KLHL29: variants seen among roughly 807,000 people sequenced by gnomAD.
KLHL29 encodes the protein kelch-like protein 29.
KLHL29 carries 21 observed loss-of-function variants against 80.4 expected under a neutral mutation model. That is an observed-to-expected ratio of 0.26 (90% CI 0.19 to 0.38). The LOEUF is 0.38. Ranked by LOEUF, KLHL29 falls within the 10% of genes least tolerant of loss-of-function variation. The pLI, the probability that KLHL29 is intolerant of heterozygous loss-of-function variation, is 1.00. For missense variants in KLHL29, 867 were observed against 1,223.9 expected, an observed-to-expected ratio of 0.71 and a Z score of 4.35; for synonymous variants, 511 against 526.8, an observed-to-expected ratio of 0.97 and a Z score of 0.41.
intron 1 of KLHL29, among the ~76,000 whole-genome samples, chr2:23,470,623 G>A (rs1664471459): frequency 1.3e-5 from 2 of 152,210 alleles, no homozygotes; most frequent in South Asian, 4.1e-4. Flanking sequence ...GGTCAGCCTG[G>A]CTTCTGCAGA....
intron 2 of KLHL29, chr2:23,532,499 C>A (rs1666523757): frequency 2.2e-6 from 1 of 448,946 alleles, no homozygotes; most frequent in Non-Finnish European, 4.5e-6. Context: ...GCTAGTGGAG[C>A]TTTGTGGGAT....
intron 1 of KLHL29, among the ~76,000 whole-genome samples, chr2:23,475,133 T>C (rs532782092): frequency 1.3e-5 from 2 of 152,368 alleles, no homozygotes; most frequent in South Asian, 2.1e-4. Flanking sequence ...TTTTCAGTAT[T>C]AGATTAAAGA....
rs1218796683 is a variant in KLHL29, at chr2:23,693,489, C to G, written c.1503C>G (p.Val501=). 1 of 1,551,574 alleles carries G rather than the reference C, an allele frequency of 6.4e-7. No individual in the cohort carries two copies. Among genetic ancestry groups the G allele is most frequent in the Admixed American group, 2.0e-5 (1 of 51,004 alleles). ...TKAEELVYET[V]IKWIKKDPAT... ...CTGAGGAGCTGGTGTACGAGACAGT[C>G]ATCAAGTGGATCAAGAAGGACCCCG... The change falls in exon 8 of 14, where the codon GTC becomes GTG. Residue 501 remains valine, a synonymous_variant. Transcript: ENST00000486442.
chr2:23,708,139 T>G lies in KLHL29; in HGVS notation c.*1475T>G, dbSNP rs1372150542. On this transcript the variant is annotated 3_prime_UTR_variant, in exon 14 of 14. Coordinates refer to ENST00000486442, the MANE Select transcript of KLHL29 (RefSeq NM_052920.2). Reference sequence around the variant, plus strand: ...AGGACACGCTTTCCATCGTTCAGTATTTGATGACACAAAATTCCAGTTCTA... The same window carrying G: ...AGGACACGCTTTCCATCGTTCAGTAGTTGATGACACAAAATTCCAGTTCTA... 6.6e-6 allele frequency: 1 copy of G among 152,264 alleles called. No homozygotes were observed. Among genetic ancestry groups the G allele is most frequent in the Non-Finnish European group, 1.5e-5 (1 of 68,048 alleles). The allele number at this position is 152,264 out of a possible 1,614,324, so 9.4% of individuals were successfully genotyped here.
chr2:23,463,088 G>GT (rs56138371), intron 1 of KLHL29, among the ~76,000 whole-genome samples: 5,862 of 142,606 alleles, frequency 0.041, 129 homozygotes, highest in Middle Eastern at 0.087. Context: ...TTTCAGTGTA[G>GT]TTTTTTTTTT....
At chr2:23,570,563 T>G (rs933811822) in intron 3 of KLHL29, among the ~76,000 whole-genome samples, 6 of 152,344 alleles carry the variant, frequency 3.9e-5, no homozygotes, top group African/African-American at 1.4e-4. Flanking sequence ...CAGTTTCCCC[T>G]TGGCCCCCCG....
intron 5 of KLHL29, among the ~76,000 whole-genome samples, chr2:23,678,344 G>T (rs978038588): frequency 6.6e-6 from 1 of 152,138 alleles, no homozygotes; most frequent in African/African-American, 2.4e-5. Context: ...GGGGATATCT[G>T]GTCCATAACT....
intron 3 of KLHL29, among the ~76,000 whole-genome samples, chr2:23,630,651 ATT>A: frequency 6.6e-6 from 1 of 151,556 alleles, no homozygotes; most frequent in South Asian, 2.1e-4. Flanking sequence ...CACCCAGCTG[ATT>A]TTTTTTGTAT....
intron 5 of KLHL29, chr2:23,667,209 T>C (rs55924498): frequency 0.051 from 7,733 of 152,334 alleles, 263 homozygotes; most frequent in Middle Eastern, 0.075. Context: ...TAAACATATG[T>C]ATGGAAGTGT....
At chr2:23,420,151 C>G (rs1662751437) in intron 1 of KLHL29, among the ~76,000 whole-genome samples, 1 of 152,194 alleles carries the variant, frequency 6.6e-6, no homozygotes, top group Non-Finnish European at 1.5e-5. Context: ...TGTGTCCCCT[C>G]CTGTTCCCTC....
chr2:23,439,846 G>C (rs1663458959), intron 1 of KLHL29, among the ~76,000 whole-genome samples: 1 of 152,104 alleles, frequency 6.6e-6, no homozygotes, highest in Non-Finnish European at 1.5e-5. Flanking sequence ...GTAGAGCTGA[G>C]TACAATTCCT....
At chr2:23,691,337 C>T (rs563143266) in intron 6 of KLHL29, 3 of 338,780 alleles carry the variant, frequency 8.9e-6, no homozygotes, top group Non-Finnish European at 1.7e-5. Flanking sequence ...GGTGGAGACA[C>T]CAGGGCCTGC....
intron 2 of KLHL29, among the ~76,000 whole-genome samples, chr2:23,512,447 A>G (rs1035812218): frequency 1.1e-3 from 17 of 15,490 alleles, no homozygotes; most frequent in Non-Finnish European, 2.2e-3. Context: ...TTCTGTCTCA[A>G]AAAAAAAAAA....
At chr2:23,508,551 G>C (rs151249430) in intron 2 of KLHL29, among the ~76,000 whole-genome samples, 1 of 152,256 alleles carries the variant, frequency 6.6e-6, no homozygotes, top group Admixed American at 6.5e-5. Context: ...ACAAGTCCAC[G>C]TAGATTCAAG....
chr2:23,415,740 C>T (rs1381549233), intron 1 of KLHL29, among the ~76,000 whole-genome samples: 2 of 151,940 alleles, frequency 1.3e-5, no homozygotes, highest in African/African-American at 2.4e-5. Flanking sequence ...ACTCTGTTGC[C>T]CAGGCTAAAA....
intron 2 of KLHL29, among the ~76,000 whole-genome samples, chr2:23,523,578 C>T (rs115619197): frequency 4.5e-4 from 68 of 152,252 alleles, no homozygotes; most frequent in Non-Finnish European, 6.6e-4. Flanking sequence ...GATTTTTTTC[C>T]TCGCCTTGGC....
intron 1 of KLHL29, among the ~76,000 whole-genome samples, chr2:23,420,309 C>T (rs999701176): frequency 2.6e-5 from 4 of 152,208 alleles, no homozygotes; most frequent in Non-Finnish European, 5.9e-5. Flanking sequence ...GCGTCCACAC[C>T]GATCCCGTCA....
At chr2:23,412,125 G>GT (rs1254940086) in intron 1 of KLHL29, among the ~76,000 whole-genome samples, 3 of 36,942 alleles carry the variant, frequency 8.1e-5, no homozygotes, top group South Asian at 1.1e-3. Flanking sequence ...TGCGTGAAGG[G>GT]GGGGGGGGGG....
chr2:23,589,676 A>G (rs767911419), intron 3 of KLHL29, among the ~76,000 whole-genome samples: 3 of 152,232 alleles, frequency 2.0e-5, no homozygotes, highest in African/African-American at 7.2e-5. Context: ...GCAGAGAAGT[A>G]GGCTTTTCCT....
Sources: gnomAD v4.1 joint callset for allele counts (sites outside exome capture counted in the v4.1 genomes callset) on GRCh38, gnomAD v4.1.1 for gene constraint, MANE v1.5 for transcripts, NCBI Gene and HGNC (gene_info 2026-07-23, HGNC 2026-07-21) for gene names.